TRMT11: variants seen among roughly 807,000 people sequenced by gnomAD.
The protein encoded by TRMT11 is tRNA methyltransferase 11.
TRMT11 carries 53 observed loss-of-function variants against 62.8 expected under a neutral mutation model. The ratio of observed to expected loss-of-function variants is 0.84; its 90% confidence interval spans 0.68 to 1.06. TRMT11 has a LOEUF of 1.06. Among genes scored for constraint, TRMT11 ranks in the 50% least tolerant of loss-of-function variants. The pLI is 0.00. For synonymous variants in TRMT11, 188 were observed against 190.3 expected (o/e 0.99, Z 0.10); for missense variants, 556 against 553.4 (o/e 1.00, Z -0.05).
intron 12 of TRMT11, among the ~76,000 whole-genome samples, chr6:126,031,648 G>A (rs1774220733): frequency 6.6e-6 from 1 of 152,126 alleles, no homozygotes; most frequent in Non-Finnish European, 1.5e-5. Flanking sequence ...CAGTGTAGCT[G>A]GAAATACTGA....
At chr6:126,098,678 A>T (rs1296681879) in intron 17 of TRMT11, among the ~76,000 whole-genome samples, 1 of 152,196 alleles carries the variant, frequency 6.6e-6, no homozygotes, top group Non-Finnish European at 1.5e-5. Flanking sequence ...GGGCTATGAA[A>T]AGTTGGAGAA....
intron 21 of TRMT11, among the ~76,000 whole-genome samples, chr6:126,151,905 C>CTTTCTTTCTT (rs377099601): frequency 0.046 from 3,690 of 80,382 alleles, 497 homozygotes; most frequent in African/African-American, 0.089. Context: ...TCTTTCTTTT[C>CTTTCTTTCTT]TCTTTCTTTC....
chr6:126,067,035 C>T (rs1381282941), intron 17 of TRMT11, among the ~76,000 whole-genome samples: 1 of 151,974 alleles, frequency 6.6e-6, no homozygotes, highest in African/African-American at 2.4e-5. Flanking sequence ...TGAGACCAGC[C>T]TGACCAACAT....
chr6:126,202,944 T>C (rs759536740), downstream of TRMT11, among the ~76,000 whole-genome samples: 16 of 152,226 alleles, frequency 1.1e-4, no homozygotes, highest in Admixed American at 2.0e-4. Flanking sequence ...AAGGAAAGTG[T>C]GGTTGGATAT....
intron 21 of TRMT11, among the ~76,000 whole-genome samples, chr6:126,121,225 G>T (rs1331197764): frequency 6.6e-6 from 1 of 152,048 alleles, no homozygotes; most frequent in African/African-American, 2.4e-5. Flanking sequence ...AACTGAATTT[G>T]TTTATTTAAT....
chr6:126,240,621 TG>T, the TRMT11 span, among the ~76,000 whole-genome samples: 1 of 152,168 alleles, frequency 6.6e-6, no homozygotes, highest in African/African-American at 2.4e-5. Context: ...CTGCCCCTAC[TG>T]GGGGGTGCCT....
intron 7 of TRMT11, among the ~76,000 whole-genome samples, chr6:126,001,921 G>A (rs1460838934): frequency 5.9e-5 from 9 of 151,898 alleles, no homozygotes; most frequent in African/African-American, 2.2e-4. Flanking sequence ...TTTTAACCCC[G>A]ATGGTCTATA....
intron 16 of TRMT11, among the ~76,000 whole-genome samples, chr6:126,049,701 A>G (rs1247139128): frequency 7.2e-5 from 11 of 152,252 alleles, no homozygotes; most frequent in Admixed American, 7.2e-4. Context: ...ACACAGGAGA[A>G]GCCTCAATGG....
the TRMT11 span, among the ~76,000 whole-genome samples, chr6:126,221,104 AT>A: frequency 1.3e-5 from 2 of 152,208 alleles, no homozygotes; most frequent in African/African-American, 2.4e-5. Flanking sequence ...ATTCCTTTTC[AT>A]GACTGCATAG....
intron 21 of TRMT11, among the ~76,000 whole-genome samples, chr6:126,161,617 A>T (rs968693837): frequency 7.9e-5 from 12 of 152,188 alleles, no homozygotes; most frequent in African/African-American, 2.7e-4. Flanking sequence ...TGGCTGGGTC[A>T]AATGGTATTT....
At chr6:125,991,647 A>G (rs191760658) in intron 1 of TRMT11, among the ~76,000 whole-genome samples, 12 of 152,300 alleles carry the variant, frequency 7.9e-5, no homozygotes, top group Admixed American at 1.3e-4. Context: ...CTCTTCTGGG[A>G]AAGGCAATGC....
intron 17 of TRMT11, among the ~76,000 whole-genome samples, chr6:126,074,671 CTCAA>C (rs1484008396): frequency 1.3e-5 from 2 of 151,844 alleles, no homozygotes; most frequent in African/African-American, 2.4e-5. Context: ...TGTTATTTTC[CTCAA>C]TCAGACAGAA....
chr6:126,170,967 A>T (rs894348756), intron 21 of TRMT11, among the ~76,000 whole-genome samples: 2 of 152,128 alleles, frequency 1.3e-5, no homozygotes, highest in Non-Finnish European at 2.9e-5. Flanking sequence ...AACTCTGGGG[A>T]TGGTATTTTT....
chr6:126,024,117 T>C (rs941861159), intron 12 of TRMT11, among the ~76,000 whole-genome samples: 2 of 152,248 alleles, frequency 1.3e-5, no homozygotes, highest in African/African-American at 4.8e-5. Flanking sequence ...TATATACAAC[T>C]GAATATTGTT....
chr6:126,072,981 C>T (rs1776902209), intron 17 of TRMT11, among the ~76,000 whole-genome samples: 1 of 152,138 alleles, frequency 6.6e-6, no homozygotes. Flanking sequence ...AGGATTTCAA[C>T]AGAGTTGGAA....
chr6:126,088,589 G>A (rs1232493609), intron 17 of TRMT11, among the ~76,000 whole-genome samples: 1 of 152,154 alleles, frequency 6.6e-6, no homozygotes, highest in East Asian at 1.9e-4. Context: ...AACTATTCCT[G>A]TGGGTTTCTA....
the TRMT11 span, among the ~76,000 whole-genome samples, chr6:126,266,153 C>A: frequency 1.4e-5 from 2 of 142,536 alleles, no homozygotes; most frequent in Non-Finnish European, 3.0e-5. Flanking sequence ...AAATGACCAA[C>A]CCTGATGACT....
At chr6:126,146,742 T>C (rs879278043) in intron 21 of TRMT11, among the ~76,000 whole-genome samples, 3 of 152,158 alleles carry the variant, frequency 2.0e-5, no homozygotes, top group Non-Finnish European at 4.4e-5. Flanking sequence ...GGTCTTGAAC[T>C]CTTAACCTCA....
intron 12 of TRMT11, among the ~76,000 whole-genome samples, chr6:126,035,069 A>ATT (rs200434931): frequency 6.6e-6 from 1 of 150,990 alleles, no homozygotes; most frequent in Non-Finnish European, 1.5e-5. Flanking sequence ...TGAGTTTGCC[A>ATT]TTTTTTTTTA....
Sources: gnomAD v4.1 joint callset for allele counts (sites outside exome capture counted in the v4.1 genomes callset) on GRCh38, gnomAD v4.1.1 for gene constraint, MANE v1.5 for transcripts, NCBI Gene and HGNC (gene_info 2026-07-23, HGNC 2026-07-21) for gene names.